The following TTC17 variants were observed in gnomAD, a reference collection of about 807,000 sequenced individuals.
TTC17 encodes the protein tetratricopeptide repeat domain 17.
A neutral mutation model predicts 143.8 loss-of-function variants in TTC17; 58 were observed. The ratio of observed to expected loss-of-function variants is 0.40; its 90% CI spans 0.33 to 0.50. The LOEUF is 0.50. TTC17 is among the 20% of genes least tolerant of loss of function. The pLI is 0.49. For synonymous variants in TTC17, 501 were observed against 497.8 expected, an observed-to-expected ratio of 1.01 and a Z score of -0.09; for missense variants, 1,273 against 1,392.5, an observed-to-expected ratio of 0.91 and a Z score of 1.37.
At chr11:43,392,321 A>G (rs1350838041) in intron 5 of TTC17, among the ~76,000 whole-genome samples, 4 of 152,212 alleles carry the variant, frequency 2.6e-5, no homozygotes, top group African/African-American at 9.6e-5. Flanking sequence ...TCTGAGACAG[A>G]AAAAGAATCA....
chr11:43,407,287 T>C (rs1475911830), intron 14 of TTC17, 66 bp from the exon 15 acceptor site: 19 of 1,570,826 alleles, frequency 1.2e-5, no homozygotes, highest in Non-Finnish European at 1.6e-5. Context: ...AATGCACTTA[T>C]TAAAAATCTT....
chr11:43,448,039 C>A lies in TTC17; in HGVS notation c.2703C>A (p.Ser901Arg). Residue 901 changes from serine (S) to arginine (R), a missense_variant, in exon 19 of 24, where the codon AGC becomes AGA. Transcript: ENST00000039989. ...ACTACCAGCGTCTGGGATGGCCCAG[C>A]CCGGACGAATGCCTCAAACTCCGCT... is the stretch of plus-strand genomic sequence containing the variant. ...KRDYQRLGWP[S>R]PDECLKLRWV... 6.2e-7 allele frequency: 1 copy of A among 1,614,122 alleles called. No homozygotes were observed.
intron 16 of TTC17, among the ~76,000 whole-genome samples, chr11:43,415,488 G>C (rs533440685): frequency 2.9e-4 from 44 of 152,220 alleles, no homozygotes; most frequent in Non-Finnish European, 5.6e-4. Context: ...GTTTACATAC[G>C]TGTGGATCCT....
At chr11:43,379,442 G>GTAGTATATTCCCGCAA in intron 2 of TTC17, 120 bp downstream of exon 2, 2 of 775,162 alleles carry the variant, frequency 2.6e-6, no homozygotes, top group Non-Finnish European at 4.2e-6. Flanking sequence ...ACTTTTGCGG[G>GTAGTATATTCCCGCAA]AATATACTAC....
chr11:43,484,555 TATA>T (rs1442484084), intron 21 of TTC17, among the ~76,000 whole-genome samples: 2 of 152,210 alleles, frequency 1.3e-5, no homozygotes, highest in Non-Finnish European at 2.9e-5. Flanking sequence ...TCAATGCTAT[TATA>T]ATCAAAGTAC....
rs1336210831 is a variant in TTC17, at chr11:43,401,460, T to C, written c.1234T>C (p.Cys412Arg). ...KEAQLGNHQI[C>R]RLVNQQHSLH... ...TCTTATTCCAGGAAATCATCAGATATGCCGACTGGTCAACCAGCAGCATAG... is the reference window on the plus strand; with the variant it reads ...TCTTATTCCAGGAAATCATCAGATACGCCGACTGGTCAACCAGCAGCATAG... The change falls in exon 10 of 24, where the codon TGC becomes CGC. Residue 412 changes from cysteine (C) to arginine (R), a missense_variant. By Grantham distance (180) the Cys-to-Arg change is radical. Coordinates refer to ENST00000039989, the MANE Select transcript of TTC17 (RefSeq NM_018259.6). 7 of 1,611,594 alleles carry C rather than the reference T, an allele frequency of 4.3e-6. No homozygotes were observed. The highest frequency in any genetic ancestry group is 5.9e-6 in the Non-Finnish European group (7 of 1,179,112).
intron 1 of TTC17, among the ~76,000 whole-genome samples, chr11:43,374,595 A>G (rs1279466999): frequency 6.6e-6 from 1 of 152,188 alleles, no homozygotes; most frequent in East Asian, 1.9e-4. Flanking sequence ...AAAAATGGGC[A>G]AACGACACAA....
chr11:43,468,950 A>G (rs1948035893), intron 21 of TTC17, among the ~76,000 whole-genome samples: 1 of 152,226 alleles, frequency 6.6e-6, no homozygotes, highest in Non-Finnish European at 1.5e-5. Flanking sequence ...ATAGACACAG[A>G]CTTAAAGAAA....
At chr11:43,370,305 G>A (rs990451922) in intron 1 of TTC17, 11 of 251,478 alleles carry the variant, frequency 4.4e-5, no homozygotes, top group East Asian at 4.2e-4. Context: ...GGAAGGGATC[G>A]CAAACAGAAG....
chr11:43,493,841 C>G lies in TTC17; in HGVS notation c.3363C>G (p.Ala1121=). 6.2e-7 allele frequency: 1 copy of G among 1,614,042 alleles called. No individual in the cohort carries two copies. The highest frequency in any genetic ancestry group is 2.2e-5 in the East Asian group (1 of 44,872). The change falls in exon 24 of 24, where the codon GCC becomes GCG. Residue 1121 remains alanine, a synonymous_variant. Coordinates refer to ENST00000039989, the MANE Select transcript of TTC17 (RefSeq NM_018259.6). Reference sequence around the variant, plus strand: ...AGCTTCAGCCCGAGTTTGTCCCAGCCAAGAACCGAATCCAGACCATCCAGT... The same window carrying G: ...AGCTTCAGCCCGAGTTTGTCCCAGCGAAGAACCGAATCCAGACCATCCAGT... ...TLKLQPEFVP[A]KNRIQTIQCH...
intron 16 of TTC17, among the ~76,000 whole-genome samples, chr11:43,438,950 G>A (rs1293953034): frequency 6.6e-6 from 1 of 152,128 alleles, no homozygotes; most frequent in Non-Finnish European, 1.5e-5. Flanking sequence ...ATTGTCATTT[G>A]ATCCAAAAGT....
At chr11:43,361,376 C>G (rs1856097080) in intron 1 of TTC17, among the ~76,000 whole-genome samples, 1 of 152,176 alleles carries the variant, frequency 6.6e-6, no homozygotes, top group Non-Finnish European at 1.5e-5. Flanking sequence ...GGGTTATGTG[C>G]TGATAAACTC....
intron 16 of TTC17, chr11:43,436,205 CAG>C (rs1177922026): frequency 4.1e-6 from 6 of 1,463,032 alleles, no homozygotes; most frequent in Non-Finnish European, 5.4e-6. Context: ...CCATGACAAA[CAG>C]AAATATTTTG....
intron 5 of TTC17, among the ~76,000 whole-genome samples, chr11:43,393,476 A>G (rs1054147061): frequency 1.3e-5 from 2 of 152,100 alleles, no homozygotes; most frequent in African/African-American, 2.4e-5. Context: ...TAGAATCTCA[A>G]TGTGTTCACC....
At chr11:43,470,662 C>T (rs1042317603) in intron 21 of TTC17, among the ~76,000 whole-genome samples, 20 of 152,194 alleles carry the variant, frequency 1.3e-4, no homozygotes, top group African/African-American at 3.1e-4. Flanking sequence ...GGCTCACGGA[C>T]GGACTTCCAC....
In TTC17 at chr11:43,450,198, A is replaced by C. The variant is rs765246815; in HGVS notation, c.2903A>C (p.Asn968Thr). The change falls in exon 20 of 24, where the codon AAC (asparagine) becomes ACC (threonine). Residue 968 changes from asparagine (N) to threonine (T), a missense_variant. Physicochemically the swap from Asn to Thr is moderately conservative, Grantham distance 65. This residue lies in a region of TTC17 where 878 missense variants were observed against 899.8 expected (regional missense o/e 0.98). Coordinates refer to ENST00000039989, the MANE Select transcript of TTC17 (RefSeq NM_018259.6). ...CTGGACCACTTGCATGGGGTTTCCA[A>C]CCGAGCCAGCCTGCACTACACAGGG... ...HTLDHLHGVSNRASLHYTGES... is the reference protein window; with the variant it reads ...HTLDHLHGVSTRASLHYTGES... The C allele has an allele frequency of 6.2e-7, 1 of 1,613,984 alleles. No individual in the cohort carries two copies. Among genetic ancestry groups the C allele is most frequent in the African/African-American group, 1.3e-5 (1 of 74,916 alleles).
At chr11:43,397,849 C>T (rs1857667161) in intron 7 of TTC17, 125 bp from the exon 8 acceptor site, 7 of 1,338,438 alleles carry the variant, frequency 5.2e-6, no homozygotes, top group Non-Finnish European at 7.1e-6. Flanking sequence ...TCTCATAAAT[C>T]ATTAGAGGAT....
At chr11:43,372,682 G>T (rs1196420044) in intron 1 of TTC17, among the ~76,000 whole-genome samples, 1 of 151,856 alleles carries the variant, frequency 6.6e-6, no homozygotes, top group Non-Finnish European at 1.5e-5. Context: ...ATAGAGATGG[G>T]GTTTCACCAT....
intron 2 of TTC17, among the ~76,000 whole-genome samples, chr11:43,382,574 T>A (rs545604747): frequency 7.9e-5 from 12 of 152,360 alleles, no homozygotes; most frequent in African/African-American, 2.9e-4. Context: ...TTGCTACTTT[T>A]TAAGTAGTCT....
Sources: allele counts gnomAD v4.1 joint callset (sites outside exome capture counted in the v4.1 genomes callset), GRCh38; gene constraint gnomAD v4.1.1; regional missense constraint gnomAD v4.1.1; transcripts MANE v1.5; gene names NCBI Gene and HGNC (gene_info 2026-07-23, HGNC 2026-07-21).